Variants in GC observed in about 807,000 individuals in gnomAD.
The protein encoded by GC is vitamin D-binding protein.
A neutral mutation model predicts 56.7 loss-of-function variants in GC; 43 were observed. The ratio of observed to expected loss-of-function variants is 0.76; its 90% CI spans 0.59 to 0.98. The LOEUF (loss-of-function observed/expected upper bound fraction) is 0.98, where lower values mean the gene tolerates loss of function less well. GC is among the 50% of genes least tolerant of loss of function. GC has a pLI of 0.00. For missense variants in GC, 529 were observed against 545.9 expected (o/e 0.97, Z 0.31); for synonymous variants, 216 against 202.7 (o/e 1.07, Z -0.56).
chr4:71,771,328 G>C (rs1358517152), intron 1 of GC, among the ~76,000 whole-genome samples: 1 of 151,726 alleles, frequency 6.6e-6, no homozygotes, highest in Non-Finnish European at 1.5e-5. Context: ...AGACTTGAAA[G>C]GGTTGTATTT....
intron 3 of GC, among the ~76,000 whole-genome samples, chr4:71,767,259 A>T (rs1742186370): frequency 6.6e-6 from 1 of 152,144 alleles, no homozygotes; most frequent in African/African-American, 2.4e-5. Context: ...CAGTGAGACA[A>T]ATCTGTCTGT....
intron 6 of GC, among the ~76,000 whole-genome samples, chr4:71,763,088 T>G (rs1011438658): frequency 1.3e-5 from 2 of 152,218 alleles, no homozygotes; most frequent in African/African-American, 4.8e-5. Flanking sequence ...TTTTTTGGTT[T>G]GTTTTTGTTC....
Position 71,769,321 on chromosome 4 carries a change from G to A in GC, c.128+10C>T. 6.3e-7 allele frequency: 1 copy of A among 1,586,598 alleles called. No homozygotes were observed. The highest frequency in any genetic ancestry group is 8.7e-7 in the Non-Finnish European group (1 of 1,155,492). On this transcript the variant is annotated intron_variant, in intron 2 of 12. Coordinates refer to ENST00000273951, the MANE Select transcript of GC (RefSeq NM_000583.4). ...ATCACCAACAGAGTGAGTGGCTGCT[G>A]CACACTTACAGAGATGTGAAGTCCT...
chr4:71,757,162 A>C (rs1000923876), intron 7 of GC, among the ~76,000 whole-genome samples: 19 of 152,204 alleles, frequency 1.2e-4, no homozygotes, highest in Middle Eastern at 3.2e-3. Flanking sequence ...GACAACAACT[A>C]TAAGGCTATT....
intron 11 of GC, 21 bp downstream of exon 11, chr4:71,752,497 T>A: frequency 6.2e-7 from 1 of 1,601,560 alleles, no homozygotes; most frequent in Non-Finnish European, 8.5e-7. Flanking sequence ...CCATGTTAAG[T>A]GGAGGGTTAC....
intron 1 of GC, among the ~76,000 whole-genome samples, chr4:71,770,323 AC>A (rs1742304425): frequency 1.3e-5 from 2 of 152,050 alleles, no homozygotes; most frequent in Admixed American, 6.6e-5. Context: ...TCCCAGCTCT[AC>A]CCCCAACAAA....
At chr4:71,759,109 A>C (rs373747523) in intron 6 of GC, among the ~76,000 whole-genome samples, 1 of 152,062 alleles carries the variant, frequency 6.6e-6, no homozygotes, top group African/African-American at 2.4e-5. Flanking sequence ...GTAGCACGTG[A>C]CAGGATTTTC....
chr4:71,794,691 T>C (rs1046582892), intron 1 of GC, among the ~76,000 whole-genome samples: 2 of 152,194 alleles, frequency 1.3e-5, no homozygotes, highest in African/African-American at 4.8e-5. Context: ...ATTCCTTGCC[T>C]TCTGCTAGCT....
intron 11 of GC, 122 bp from the exon 12 acceptor site, chr4:71,746,327 G>A: frequency 1.8e-6 from 1 of 552,100 alleles, no homozygotes; most frequent in Non-Finnish European, 3.3e-6. Context: ...TTGCCAAGAT[G>A]CAATGTTACA....
chr4:71,756,642 C>T lies in GC; in HGVS notation c.1034+70G>A, dbSNP rs1741781288. The T allele has an allele frequency of 4.0e-6, 4 of 1,000,184 alleles. No homozygotes were observed. The South Asian group carries it at 5.3e-5, about 13-fold the overall frequency. The allele number at this position is 1,000,184 out of a possible 1,614,324, so 62.0% of individuals were successfully genotyped here. A position where few individuals can be genotyped will look rare whatever the true frequency, so the allele number is the denominator to read the frequency against. On this transcript the variant is annotated intron_variant, in intron 8 of 12. Transcript: ENST00000273951. Reference sequence around the variant, plus strand: ...GAGTGATAGCATACCTTCCCTCCATCTGGCTGGCCCCCACTTTTTGTCCAG... The same window carrying T: ...GAGTGATAGCATACCTTCCCTCCATTTGGCTGGCCCCCACTTTTTGTCCAG...
chr4:71,747,368 G>A (rs1341287653), intron 11 of GC, among the ~76,000 whole-genome samples: 1 of 151,724 alleles, frequency 6.6e-6, no homozygotes, highest in Non-Finnish European at 1.5e-5. Flanking sequence ...TGGAAATGAA[G>A]AACAAGGAAA....
At chr4:71,802,194 C>G (rs1743268226) in intron 1 of GC, among the ~76,000 whole-genome samples, 1 of 152,008 alleles carries the variant, frequency 6.6e-6, no homozygotes, top group Admixed American at 6.6e-5. Context: ...TTTATCTATT[C>G]CAGTTAACAT....
intron 10 of GC, among the ~76,000 whole-genome samples, chr4:71,753,343 T>C (rs976091830): frequency 2.6e-5 from 4 of 152,012 alleles, no homozygotes; most frequent in Admixed American, 6.6e-5. Flanking sequence ...CAAATTAATC[T>C]AGAGTTGGGC....
chr4:71,770,112 C>G (rs1742298848), intron 1 of GC, among the ~76,000 whole-genome samples: 1 of 152,144 alleles, frequency 6.6e-6, no homozygotes, highest in African/African-American at 2.4e-5. Flanking sequence ...CAGCGCTTGA[C>G]AGGGAGCTCT....
Position 71,756,719 on chromosome 4 carries a change from T to C in GC, c.1027A>G (p.Met343Val). 1 of 1,608,512 alleles carries C rather than the reference T, an allele frequency of 6.2e-7. No homozygotes were observed. Among genetic ancestry groups the C allele is most frequent in the African/African-American group, 1.3e-5 (1 of 74,944 alleles). ...DVCDPGNTKV[M>V]DKYTFELSRR... is the part of the protein sequence containing the mutation. Reference sequence around the variant, plus strand: ...CACATCACCTCTACTTACTTATCCATGACTTTGGTGTTTCCTGGATCACAC... The same window carrying C: ...CACATCACCTCTACTTACTTATCCACGACTTTGGTGTTTCCTGGATCACAC... Residue 343 changes from methionine to valine, a missense_variant, in exon 8 of 13, where the codon ATG becomes GTG. Physicochemically the swap from Met to Val is conservative, Grantham distance 21. Coordinates refer to ENST00000273951, the MANE Select transcript of GC (RefSeq NM_000583.4).
chr4:71,756,320 C>T lies in GC; in HGVS notation c.1034+392G>A, dbSNP rs946747617. Among the ~76,000 whole-genome samples the T allele has an allele frequency of 2.6e-5, 4 of 152,180 alleles. 1 individual carries two copies. The highest frequency in any genetic ancestry group is 9.6e-5 in the African/African-American group (4 of 41,458). Reference sequence around the variant, plus strand: ...ATATGTGTTTTCACATTTACTTTCACTTACATTTCTACATGCATTTCTCAT... The same window carrying T: ...ATATGTGTTTTCACATTTACTTTCATTTACATTTCTACATGCATTTCTCAT... On this transcript the variant is annotated intron_variant, in intron 8 of 12. Transcript: ENST00000273951.
upstream of GC, chr4:71,784,087 AGTAAT>A (rs1742771648): frequency 1.9e-6 from 3 of 1,548,152 alleles, no homozygotes; most frequent in Non-Finnish European, 2.6e-6. Context: ...GGTAGCCAAA[AGTAAT>A]TGGTTTCCTT....
Position 71,802,329 on chromosome 4 carries a change from C to G in GC, c.21+1597G>C, listed in dbSNP as rs570999273. Among the ~76,000 whole-genome samples, 57 of 152,148 alleles carry G rather than the reference C, an allele frequency of 3.7e-4. No individual in the cohort carries two copies. The South Asian group carries it at 0.012, about 31-fold the overall frequency. ...CTTTTTCTGGATTGACATTTACCTTCTAGGATTATGCACATGCAAAACGAG... is the reference window on the plus strand; with the variant it reads ...CTTTTTCTGGATTGACATTTACCTTGTAGGATTATGCACATGCAAAACGAG... On this transcript the variant is annotated intron_variant, in intron 1 of 13. Coordinates refer to the GC transcript ENST00000504199.
intron 1 of GC, among the ~76,000 whole-genome samples, chr4:71,769,969 G>T (rs1742294570): frequency 6.6e-6 from 1 of 152,198 alleles, no homozygotes; most frequent in African/African-American, 2.4e-5. Flanking sequence ...TCTAAGGGAA[G>T]GCTAGGAATT....
Sources: allele counts gnomAD v4.1 joint callset (sites outside exome capture counted in the v4.1 genomes callset), GRCh38; gene constraint gnomAD v4.1.1; transcripts MANE v1.5; gene names NCBI Gene and HGNC (gene_info 2026-07-23, HGNC 2026-07-21).